Variants in HS6ST2 observed in about 807,000 individuals in gnomAD.
HS6ST2 encodes heparan-sulfate 6-O-sulfotransferase 2.
HS6ST2 carries 17 observed loss-of-function variants against 33.0 expected under a neutral mutation model. That is an observed-to-expected ratio of 0.52 (90% confidence interval 0.35 to 0.77). The LOEUF (loss-of-function observed/expected upper bound fraction) is 0.77. HS6ST2 is among the 30% of genes least tolerant of loss of function. The probability of loss-of-function intolerance (pLI) is 0.01; values close to 1 mark genes in which losing one functional copy is unlikely to be tolerated. For synonymous variants in HS6ST2, 248 were observed against 237.1 expected (o/e 1.05, Z -0.42); for missense variants, 519 against 551.7 (o/e 0.94, Z 0.59).
At position 132,958,574 on chromosome X, in the gene HS6ST2, T is replaced by A. The variant is rs752645961; in HGVS notation, c.29A>T (p.Glu10Val). MALPACAVR[E>V]FEPPRQPERG... Reference sequence around the variant, plus strand: ...CTCCGGTTGCCGCGGCGGCTCGAACTCCCGGACTGCACACGCAGGCAGTGC... The same window carrying A: ...CTCCGGTTGCCGCGGCGGCTCGAACACCCGGACTGCACACGCAGGCAGTGC... Residue 10 changes from glutamate to valine, a missense_variant, in exon 1 of 5, where the codon GAG becomes GTG. Coordinates refer to ENST00000370833, the MANE Select transcript of HS6ST2 (RefSeq NM_001394073.1). 8.5e-7 allele frequency: 1 copy of A among 1,180,667 alleles called. No individual in the cohort carries two copies.
At chrX:132,921,046 A>T (rs950897262) in intron 2 of HS6ST2, among the ~76,000 whole-genome samples, 1 of 112,717 alleles carries the variant, frequency 8.9e-6, no homozygotes, top group Non-Finnish European at 1.9e-5. Flanking sequence ...AAGAGCAGGT[A>T]GACTACATGA....
chrX:132,820,352 T>C (rs2065439715), intron 2 of HS6ST2, among the ~76,000 whole-genome samples: 2 of 111,481 alleles, frequency 1.8e-5, no homozygotes, highest in South Asian at 7.6e-4. Context: ...TATTTCAAAA[T>C]GCAGAAAGTT....
intron 2 of HS6ST2, among the ~76,000 whole-genome samples, chrX:132,862,628 TCTTA>T: frequency 8.9e-6 from 1 of 112,465 alleles, no homozygotes; most frequent in Non-Finnish European, 1.9e-5. Flanking sequence ...AACTTTAGTT[TCTTA>T]GTCACACTAG....
chrX:132,647,017 G>A lies in HS6ST2; in HGVS notation c.1068-17924C>T, dbSNP rs775936410. On this transcript the variant is annotated intron_variant, in intron 4 of 4. Transcript: ENST00000370833. ...TTACCTGCTGCTGGGTCCCTCCCAC[G>A]ACGTATGGGGATTTTGGGAGCTACA... Among the ~76,000 whole-genome samples, 4 of 111,371 alleles carry A rather than the reference G, an allele frequency of 3.6e-5. No individual in the cohort carries two copies. In the East Asian group the frequency reaches 1.1e-3, roughly 32 times the overall value.
At chrX:132,648,894 C>T (rs1220918181) in intron 4 of HS6ST2, among the ~76,000 whole-genome samples, 2 of 111,822 alleles carry the variant, frequency 1.8e-5, no homozygotes, top group Non-Finnish European at 3.8e-5. Flanking sequence ...GTTCTCAGAG[C>T]TAATGTTTCT....
intron 2 of HS6ST2, among the ~76,000 whole-genome samples, chrX:132,898,868 G>A (rs1288411100): frequency 9.0e-6 from 1 of 110,795 alleles, no homozygotes; most frequent in African/African-American, 3.3e-5. Flanking sequence ...GTACTGATTG[G>A]CATACGTATG....
chrX:132,882,903 G>C (rs2066195121), intron 2 of HS6ST2, among the ~76,000 whole-genome samples: 1 of 111,187 alleles, frequency 9.0e-6, no homozygotes, highest in African/African-American at 3.3e-5. Flanking sequence ...TTTGTCTTTG[G>C]GACTGTTTAT....
chrX:132,951,297 C>T (rs1184306509), intron 2 of HS6ST2, among the ~76,000 whole-genome samples: 1 of 111,263 alleles, frequency 9.0e-6, no homozygotes, highest in Non-Finnish European at 1.9e-5. Flanking sequence ...GAGCCTAACC[C>T]CATCTACTTC....
At chrX:132,933,200 C>T (rs930261952) in intron 2 of HS6ST2, among the ~76,000 whole-genome samples, 6 of 109,192 alleles carry the variant, frequency 5.5e-5, no homozygotes, top group Admixed American at 4.0e-4. Flanking sequence ...TGGTGGCATG[C>T]GTCTGTAATC....
upstream of HS6ST2, chrX:132,958,865 T>G: frequency 2.9e-6 from 1 of 342,539 alleles, no homozygotes; most frequent in Non-Finnish European, 5.1e-6. Flanking sequence ...AGCGGGGGCA[T>G]TTTCTGAAAA....
At chrX:132,634,861 G>T (rs1397108456) in intron 4 of HS6ST2, among the ~76,000 whole-genome samples, 2 of 111,190 alleles carry the variant, frequency 1.8e-5, no homozygotes, top group African/African-American at 6.6e-5. Flanking sequence ...CTCAGGAAAG[G>T]CTGCCTTTTG....
At chrX:132,740,169 G>T (rs1367333066) in intron 2 of HS6ST2, among the ~76,000 whole-genome samples, 1 of 112,131 alleles carries the variant, frequency 8.9e-6, no homozygotes, top group African/African-American at 3.2e-5. Context: ...TGGGAATTTT[G>T]ATTTTAACAT....
At chrX:132,715,729 A>G (rs1022723879) in intron 2 of HS6ST2, among the ~76,000 whole-genome samples, 5 of 112,479 alleles carry the variant, frequency 4.4e-5, no homozygotes, top group African/African-American at 1.6e-4. Context: ...ACAACCCTTC[A>G]GAACAATTCA....
At chrX:132,710,074 C>G (rs1195935236) in intron 2 of HS6ST2, among the ~76,000 whole-genome samples, 1 of 111,113 alleles carries the variant, frequency 9.0e-6, no homozygotes, top group Non-Finnish European at 1.9e-5. Context: ...AGGTAAACTT[C>G]TTGACTGCCT....
chrX:132,740,672 C>CT (rs36110669), intron 2 of HS6ST2, among the ~76,000 whole-genome samples: 16 of 104,800 alleles, frequency 1.5e-4, no homozygotes, highest in South Asian at 1.3e-3. Flanking sequence ...AAATTCAGGA[C>CT]TTTTTTTTTT....
At chrX:132,926,953 C>T (rs2066716442) in intron 2 of HS6ST2, among the ~76,000 whole-genome samples, 1 of 110,432 alleles carries the variant, frequency 9.1e-6, no homozygotes, top group Admixed American at 9.6e-5. Context: ...AAACAAAAAA[C>T]CCTCCCAGTC....
intron 2 of HS6ST2, among the ~76,000 whole-genome samples, chrX:132,745,365 G>A (rs935852658): frequency 1.4e-4 from 16 of 112,097 alleles, no homozygotes; most frequent in African/African-American, 4.9e-4. Context: ...GATTACAGGC[G>A]TGAGCCACCG....
rs17000323 is a variant in HS6ST2, at chrX:132,763,216, C to A, written c.948-54722G>T. Reference sequence around the variant, plus strand: ...AAGAGTGGCTTGTGGGGTCAGGGATCAGAGATTAAAGGGCATACCTAGTTA... The same window carrying A: ...AAGAGTGGCTTGTGGGGTCAGGGATAAGAGATTAAAGGGCATACCTAGTTA... On this transcript the variant is annotated intron_variant, in intron 2 of 4. Coordinates refer to ENST00000370833, the MANE Select transcript of HS6ST2 (RefSeq NM_001394073.1). Among the ~76,000 whole-genome samples the A allele has an allele frequency of 1.0e-2, 1,114 of 111,659 alleles. 13 individuals are homozygous for A. Among genetic ancestry groups the A allele is most frequent in the African/African-American group, 0.034 (1,053 of 30,697 alleles).
chrX:132,760,889 CA>C (rs1159756728), intron 2 of HS6ST2, among the ~76,000 whole-genome samples: 1 of 110,649 alleles, frequency 9.0e-6, no homozygotes, highest in Non-Finnish European at 1.9e-5. Context: ...TCTTTAAAAA[CA>C]AAAACATATG....
Sources: gnomAD v4.1 joint callset for allele counts (sites outside exome capture counted in the v4.1 genomes callset) on GRCh38, gnomAD v4.1.1 for gene constraint, MANE v1.5 for transcripts, NCBI Gene and HGNC (gene_info 2026-07-23, HGNC 2026-07-21) for gene names.